The following RHBDD1 variants were observed in gnomAD, a reference collection of about 807,000 sequenced individuals.
RHBDD1 encodes rhomboid-related protein 4.
In RHBDD1, 38 loss-of-function variants were observed where a neutral mutation model predicts 36.3. That is an observed-to-expected ratio of 1.05 (90% CI 0.81 to 1.37). The LOEUF is 1.37. RHBDD1 is among the 40% of genes most tolerant of loss of function. RHBDD1 has a pLI of 0.00. For synonymous variants in RHBDD1, 151 were observed against 136.5 expected (o/e 1.11, Z -0.74); for missense variants, 393 against 377.6 (o/e 1.04, Z -0.34).
intron 8 of RHBDD1, among the ~76,000 whole-genome samples, chr2:226,955,442 G>T (rs370953922): frequency 6.6e-6 from 1 of 152,224 alleles, no homozygotes; most frequent in African/African-American, 2.4e-5. Flanking sequence ...ACTCTTTGTT[G>T]TACAATATGC....
At chr2:226,850,435 T>G (rs185341567) in intron 3 of RHBDD1, among the ~76,000 whole-genome samples, 2 of 152,260 alleles carry the variant, frequency 1.3e-5, no homozygotes, top group African/African-American at 4.8e-5. Context: ...AGGGTTTCAT[T>G]TTATTTTTTT....
chr2:226,941,691 T>C (rs2149161674), intron 8 of RHBDD1, among the ~76,000 whole-genome samples: 1 of 152,280 alleles, frequency 6.6e-6, no homozygotes, highest in Middle Eastern at 3.4e-3. Context: ...ATTTATACAC[T>C]ATGGAAAATA....
chr2:226,859,970 C>T (rs545560463), intron 3 of RHBDD1, among the ~76,000 whole-genome samples: 4 of 152,122 alleles, frequency 2.6e-5, no homozygotes, highest in African/African-American at 7.2e-5. Flanking sequence ...GTGACCCAGA[C>T]TAGAGTAGTA....
chr2:226,897,742 C>T lies in RHBDD1; in HGVS notation c.567-9051C>T, dbSNP rs138000022. Among the ~76,000 whole-genome samples the T allele has an allele frequency of 4.2e-3, 642 of 152,144 alleles. 3 individuals are homozygous for T. The highest frequency in any genetic ancestry group is 0.014 in the African/African-American group (588 of 41,502). Reference sequence around the variant, plus strand: ...ATCCCAGCGCTTTGGGAGGCCGAGGCGGGTGGATCACTGAGGTCAGGAGTT... The same window carrying T: ...ATCCCAGCGCTTTGGGAGGCCGAGGTGGGTGGATCACTGAGGTCAGGAGTT... On this transcript the variant is annotated intron_variant, in intron 5 of 8. Transcript: ENST00000392062.
Position 226,867,513 on chromosome 2 carries a change from T to C in RHBDD1, c.566+195T>C, listed in dbSNP as rs1003721393. 9 of 898,768 alleles carry C rather than the reference T, an allele frequency of 1.0e-5. No individual in the cohort carries two copies. The African/African-American group carries it at 1.6e-4, about 16-fold the overall frequency. 55.7% of individuals were successfully genotyped at this position (898,768 alleles called of 1,614,324 possible). A position where few individuals can be genotyped will look rare whatever the true frequency, so the allele number is the denominator to read the frequency against. On this transcript the variant is annotated intron_variant, in intron 5 of 8. Coordinates refer to ENST00000392062, the MANE Select transcript of RHBDD1 (RefSeq NM_001167608.3). ...TCTTTTCAACTATTAAGCTGTATAA[T>C]TTTGGGTCACTTGTCTTAACTGAGT...
the RHBDD1 span, among the ~76,000 whole-genome samples, chr2:226,823,143 G>C: frequency 1.3e-5 from 2 of 152,132 alleles, no homozygotes; most frequent in African/African-American, 4.8e-5. Flanking sequence ...AAAGAACCCT[G>C]AGGGGGCTTG....
chr2:226,907,304 AT>A (rs1948138419), intron 6 of RHBDD1, among the ~76,000 whole-genome samples: 1 of 152,222 alleles, frequency 6.6e-6, no homozygotes, highest in African/African-American at 2.4e-5. Context: ...ATTTTAAAGA[AT>A]TCAGACTGAT....
chr2:226,936,641 G>A lies in RHBDD1; in HGVS notation c.856+22290G>A, dbSNP rs548633165. On this transcript the variant is annotated intron_variant, in intron 8 of 8. Coordinates refer to ENST00000392062, the MANE Select transcript of RHBDD1 (RefSeq NM_001167608.3). The stretch of plus-strand genomic sequence containing the variant: ...ATCCCCCACAACTGATGGAGACTAC[G>A]TTTTGGGCTACCAAATCTTAATGAT... Among the ~76,000 whole-genome samples, 14 of 152,212 alleles carry A rather than the reference G, an allele frequency of 9.2e-5. No homozygotes were observed. In the East Asian group the frequency reaches 1.9e-3, roughly 21 times the overall value.
the RHBDD1 span, among the ~76,000 whole-genome samples, chr2:226,810,635 T>C: frequency 2.0e-5 from 3 of 149,160 alleles, no homozygotes; most frequent in South Asian, 4.3e-4. Context: ...TGGAGCATCC[T>C]AAAGATCTTC....
the RHBDD1 span, among the ~76,000 whole-genome samples, chr2:226,813,203 T>C: frequency 1.3e-5 from 2 of 152,218 alleles, no homozygotes; most frequent in African/African-American, 4.8e-5. Context: ...TGGCTAACAA[T>C]ACAAACCACA....
At chr2:226,873,000 C>T (rs1282560821) in intron 5 of RHBDD1, among the ~76,000 whole-genome samples, 2 of 152,130 alleles carry the variant, frequency 1.3e-5, no homozygotes, top group Non-Finnish European at 2.9e-5. Context: ...GAAGTGAGTC[C>T]TCTTCTTACA....
At chr2:226,864,217 G>GA (rs1478948510) in intron 3 of RHBDD1, among the ~76,000 whole-genome samples, 1 of 151,914 alleles carries the variant, frequency 6.6e-6, no homozygotes, top group Non-Finnish European at 1.5e-5. Flanking sequence ...ATATTTCTTT[G>GA]AAAAAAATGG....
In RHBDD1 at chr2:226,967,706, G is replaced by A. The variant is rs1952756751; in HGVS notation, c.857-27725G>A. ...TAAATTTTAATTGTTATAGTGGAAA[G>A]AAGGTAATTCTTAACTAGAGAAGAG... is the stretch of plus-strand genomic sequence containing the variant. On this transcript the variant is annotated intron_variant, in intron 8 of 8. Transcript: ENST00000392062. 3.9e-5 allele frequency among the ~76,000 whole-genome samples: 6 copies of A among 152,214 alleles called. No individual in the cohort carries two copies. The South Asian group carries it at 1.2e-3, about 32-fold the overall frequency.
chr2:226,902,141 A>G lies in RHBDD1; in HGVS notation c.567-4652A>G, dbSNP rs770794454. On this transcript the variant is annotated intron_variant, in intron 5 of 8. Transcript: ENST00000392062. Reference sequence around the variant, plus strand: ...TTCCTAGTTGCAGGATTGTCCCTGAATGCTGCTTCGGATGGCATCTTCCAC... The same window carrying G: ...TTCCTAGTTGCAGGATTGTCCCTGAGTGCTGCTTCGGATGGCATCTTCCAC... 2.8e-4 allele frequency among the ~76,000 whole-genome samples: 42 copies of G among 152,334 alleles called. No individual in the cohort carries two copies. In the Middle Eastern group the frequency reaches 0.01, roughly 37 times the overall value.
chr2:226,832,057 G>T (rs1940757405), upstream of RHBDD1, among the ~76,000 whole-genome samples: 1 of 146,810 alleles, frequency 6.8e-6, no homozygotes, highest in South Asian at 2.2e-4. Flanking sequence ...TCCTCCCTTT[G>T]CTAAAGGTTT....
chr2:226,969,015 A>C (rs1433289843), intron 8 of RHBDD1: 1 of 205,432 alleles, frequency 4.9e-6, no homozygotes, highest in Non-Finnish European at 1.0e-5. Flanking sequence ...TGGACCAGTC[A>C]TGGACACAGG....
intron 7 of RHBDD1, among the ~76,000 whole-genome samples, chr2:226,911,259 C>T (rs1285872842): frequency 1.3e-5 from 2 of 151,948 alleles, no homozygotes; most frequent in African/African-American, 2.4e-5. Flanking sequence ...AGAAATGCTG[C>T]GTAGATCTTA....
intron 1 of RHBDD1, chr2:226,837,528 T>C (rs774687791): frequency 6.7e-6 from 1 of 150,130 alleles, no homozygotes; most frequent in Non-Finnish European, 1.5e-5. Context: ...TTTAATTCTT[T>C]GGCCTTCTGA....
At chr2:226,988,433 G>A (rs1156996300) in intron 8 of RHBDD1, 30 of 1,550,092 alleles carry the variant, frequency 1.9e-5, no homozygotes, top group South Asian at 3.6e-5. Flanking sequence ...GAAGCAGGCC[G>A]CAGTTTGGAC....
Sources: allele counts gnomAD v4.1 joint callset (sites outside exome capture counted in the v4.1 genomes callset), GRCh38; gene constraint gnomAD v4.1.1; transcripts MANE v1.5; gene names NCBI Gene and HGNC (gene_info 2026-07-23, HGNC 2026-07-21).